ITIH5: variants seen among roughly 807,000 people sequenced by gnomAD.
ITIH5 encodes inter-alpha-trypsin inhibitor heavy chain H5.
A neutral mutation model predicts 77.5 loss-of-function variants in ITIH5; 65 were observed. The observed-to-expected ratio is 0.84, with a 90% CI of 0.69 to 1.03. ITIH5 has a LOEUF of 1.03. Ranked by LOEUF, ITIH5 falls within the 50% of genes least tolerant of loss-of-function variation. The probability of loss-of-function intolerance (pLI) is 0.00; values close to 1 mark genes in which losing one functional copy is unlikely to be tolerated. For missense variants in ITIH5, 1,208 were observed against 1,213.1 expected (o/e 1.00, Z 0.06); for synonymous variants, 525 against 494.3 (o/e 1.06, Z -0.82).
At chr10:7,629,246 TGTCCATG>T (rs1833662079) in intron 5 of ITIH5, among the ~76,000 whole-genome samples, 3 of 148,166 alleles carry the variant, frequency 2.0e-5, no homozygotes, top group African/African-American at 7.5e-5. Context: ...TTGTAGCGTG[TGTCCATG>T]TTGTAGCGTG....
In ITIH5 at chr10:7,617,118, T is replaced by C; in HGVS notation, c.817A>G (p.Ile273Val). Reference sequence around the variant, plus strand: ...AGCAACGACGATCCTATTACCTGGATGTCCCCAATGCTCTGTTCTCTATTG... The same window carrying C: ...AGCAACGACGATCCTATTACCTGGACGTCCCCAATGCTCTGTTCTCTATTG... Reference protein sequence around the residue: ...DVNREQSIGDIQVLNGYFVHY... With the variant: ...DVNREQSIGDVQVLNGYFVHY... Residue 273 changes from isoleucine to valine, a missense_variant, in exon 6 of 14, where the codon ATC (isoleucine) becomes GTC (valine). Transcript: ENST00000397146. The C allele has an allele frequency of 6.5e-7, 1 of 1,540,126 alleles. No individual in the cohort carries two copies. The highest frequency in any genetic ancestry group is 8.7e-7 in the Non-Finnish European group (1 of 1,150,106).
intron 5 of ITIH5, chr10:7,619,605 C>A: frequency 5.1e-6 from 2 of 392,512 alleles, no homozygotes; most frequent in Non-Finnish European, 1.1e-5. Context: ...GGGGAAGCCT[C>A]GGGAAACTTA....
intron 12 of ITIH5, among the ~76,000 whole-genome samples, chr10:7,568,094 T>C (rs1461399456): frequency 6.6e-6 from 1 of 152,176 alleles, no homozygotes; most frequent in Non-Finnish European, 1.5e-5. Context: ...TTCCGTGCTG[T>C]CTGGCTGAAT....
chr10:7,620,920 G>C (rs966271425), intron 5 of ITIH5: 1 of 152,202 alleles, frequency 6.6e-6, no homozygotes, highest in Non-Finnish European at 1.5e-5. Flanking sequence ...TCCCCCCCAC[G>C]AGGGTGTAGA....
At position 7,561,747 on chromosome 10, in the gene ITIH5, C is replaced by G. The variant is rs1832044104; in HGVS notation, c.*1336G>C. On this transcript the variant is annotated 3_prime_UTR_variant, in exon 14 of 14. Transcript: ENST00000397146. ...GCTTTTCCTCCCAGTGCTAAGCATG[C>G]CTTCTCATTTCACGCGGGGGCTGCT... is the stretch of plus-strand genomic sequence containing the variant. 1 of 152,220 alleles carries G rather than the reference C, an allele frequency of 6.6e-6. No homozygotes were observed. The highest frequency in any genetic ancestry group is 2.4e-5 in the African/African-American group (1 of 41,460). 9.4% of individuals were successfully genotyped at this position (152,220 alleles called of 1,614,324 possible).
intron 8 of ITIH5, among the ~76,000 whole-genome samples, chr10:7,581,885 T>C (rs967823031): frequency 3.3e-4 from 48 of 146,238 alleles, no homozygotes; most frequent in Admixed American, 8.2e-4. Flanking sequence ...TTTTTTTTTT[T>C]TTTTTTTTGA....
intron 2 of ITIH5, among the ~76,000 whole-genome samples, chr10:7,642,793 A>G (rs1290365632): frequency 6.6e-6 from 1 of 152,246 alleles, no homozygotes; most frequent in African/African-American, 2.4e-5. Context: ...ACAGAGCTAC[A>G]TCTGGTGACA....
At position 7,666,940 on chromosome 10, in the gene ITIH5, T is replaced by C. The variant is rs1328318276; in HGVS notation, c.-48A>G. ...CTCGGGGACCCGGCGGGACACGCTT[T>C]GCAGCGCCCAGGGCTCCAGCCACTG... On this transcript the variant is annotated 5_prime_UTR_variant, in exon 1 of 14. Coordinates refer to ENST00000397146, the MANE Select transcript of ITIH5 (RefSeq NM_030569.7). 6.7e-7 allele frequency: 1 copy of C among 1,489,114 alleles called. No homozygotes were observed. The highest frequency in any genetic ancestry group is 1.4e-5 in the African/African-American group (1 of 69,476). 92.2% of individuals were successfully genotyped at this position (1,489,114 alleles called of 1,614,324 possible). A position where few individuals can be genotyped will look rare whatever the true frequency, so the allele number is the denominator to read the frequency against.
intron 5 of ITIH5, among the ~76,000 whole-genome samples, chr10:7,624,276 G>C (rs966637544): frequency 6.6e-6 from 1 of 151,812 alleles, no homozygotes; most frequent in African/African-American, 2.4e-5. Flanking sequence ...GGGAGGCCGA[G>C]GTAGGCAGAT....
chr10:7,617,322 T>C (rs766170525), intron 5 of ITIH5, 40 bp from the exon 6 acceptor site: 10 of 1,297,322 alleles, frequency 7.7e-6, no homozygotes, highest in Non-Finnish European at 1.0e-5. Context: ...ACTTAATATA[T>C]ATTTTTCCAA....
chr10:7,600,559 C>G (rs188169774), intron 7 of ITIH5: 2 of 456,708 alleles, frequency 4.4e-6, no homozygotes, highest in East Asian at 6.9e-5. Context: ...TCCAGTTACA[C>G]GTGCACCTAG....
chr10:7,629,278 CGTGTGTCCCTGTTGT>C (rs1564269646), intron 5 of ITIH5, among the ~76,000 whole-genome samples: 1,411 of 102,176 alleles, frequency 0.014, 105 homozygotes, highest in African/African-American at 0.047. Context: ...CATGTTGTAG[CGTGTGTCCCTGTTGT>C]AGCGTGTGTC....
chr10:7,650,322 G>C (rs1834076938), intron 2 of ITIH5, among the ~76,000 whole-genome samples: 1 of 152,226 alleles, frequency 6.6e-6, no homozygotes, highest in Admixed American at 6.5e-5. Flanking sequence ...AGGTGGGAGA[G>C]AACTTTAGAA....
rs963467793 is a variant in ITIH5 at position 7,561,383 on chromosome 10, C to T, written c.*1700G>A. 2 of 152,392 alleles carry T rather than the reference C, an allele frequency of 1.3e-5. No homozygotes were observed. The highest frequency in any genetic ancestry group is 4.8e-5 in the African/African-American group (2 of 41,564). 9.4% of individuals were successfully genotyped at this position (152,392 alleles called of 1,614,324 possible). A position where few individuals can be genotyped will look rare whatever the true frequency, so the allele number is the denominator to read the frequency against. ...TGGGATTTACATAATAGGAAGGCCCCGGGGAGCCTGGCCAGCTCCCTGGCT... is the reference window on the plus strand; with the variant it reads ...TGGGATTTACATAATAGGAAGGCCCTGGGGAGCCTGGCCAGCTCCCTGGCT... On this transcript the variant is annotated 3_prime_UTR_variant, in exon 14 of 14. Coordinates refer to ENST00000397146, the MANE Select transcript of ITIH5 (RefSeq NM_030569.7).
At chr10:7,594,331 T>C (rs1832852968) in intron 7 of ITIH5, among the ~76,000 whole-genome samples, 2 of 152,184 alleles carry the variant, frequency 1.3e-5, no homozygotes, top group South Asian at 4.1e-4. Context: ...TCCAACTAAC[T>C]AGGCCTGAAG....
chr10:7,643,325 A>T (rs1320603509), intron 2 of ITIH5, among the ~76,000 whole-genome samples: 1 of 152,262 alleles, frequency 6.6e-6, no homozygotes, highest in African/African-American at 2.4e-5. Flanking sequence ...AAGCTAAAAC[A>T]AGACATTACC....
chr10:7,614,387 T>A (rs958514424), intron 7 of ITIH5, among the ~76,000 whole-genome samples: 1 of 152,224 alleles, frequency 6.6e-6, no homozygotes, highest in Non-Finnish European at 1.5e-5. Context: ...GTCCAACCCC[T>A]GGCCCACAGG....
rs1454925730 is a variant in ITIH5 at position 7,559,504 on chromosome 10, A to G, written c.*3579T>C. 1.2e-5 allele frequency: 2 copies of G among 166,442 alleles called. No individual in the cohort carries two copies. The highest frequency in any genetic ancestry group is 4.8e-5 in the African/African-American group (2 of 41,614). 10.3% of individuals were successfully genotyped at this position (166,442 alleles called of 1,614,324 possible). A position where few individuals can be genotyped will look rare whatever the true frequency, so the allele number is the denominator to read the frequency against. ...TGCTTAGCTGTGTTATTTGTTATTT[A>G]TTTTAGCTGGATCATGTCCTACAGT... On this transcript the variant is annotated 3_prime_UTR_variant, in exon 14 of 14. Transcript: ENST00000397146.
chr10:7,611,468 C>T (rs1455450096), intron 7 of ITIH5, among the ~76,000 whole-genome samples: 1 of 152,210 alleles, frequency 6.6e-6, no homozygotes. Context: ...GATTCTTGAT[C>T]ATTCTCCCAC....
Sources: gnomAD v4.1 joint callset for allele counts (sites outside exome capture counted in the v4.1 genomes callset) on GRCh38, gnomAD v4.1.1 for gene constraint, MANE v1.5 for transcripts, NCBI Gene and HGNC (gene_info 2026-07-23, HGNC 2026-07-21) for gene names.